PRKN: variants seen among roughly 807,000 people sequenced by gnomAD.
PRKN encodes the protein E3 ubiquitin-protein ligase parkin.
A neutral mutation model predicts 59.5 loss-of-function variants in PRKN; 56 were observed. The observed-to-expected ratio is 0.94, with a 90% CI of 0.76 to 1.18. PRKN has a LOEUF of 1.18. Ranked by LOEUF, PRKN falls within the 50% of genes most tolerant of loss-of-function variation. The pLI is 0.00. For missense variants in PRKN, 657 were observed against 596.4 expected (o/e 1.10, Z -1.06); for synonymous variants, 250 against 222.1 (o/e 1.13, Z -1.12).
chr6:161,825,058 A>T (rs1792184552), intron 6 of PRKN, among the ~76,000 whole-genome samples: 1 of 152,188 alleles, frequency 6.6e-6, no homozygotes, highest in Non-Finnish European at 1.5e-5. Flanking sequence ...ACTAAAAGGT[A>T]CTTTTCAAAA....
intron 9 of PRKN, among the ~76,000 whole-genome samples, chr6:161,439,958 GTTT>G (rs35435523): frequency 6.9e-6 from 1 of 144,534 alleles, no homozygotes. Flanking sequence ...TTTGTTTTTT[GTTT>G]TTTTTTTTTG....
At chr6:161,559,059 A>AC (rs1273702605) in intron 8 of PRKN, among the ~76,000 whole-genome samples, 4 of 138,702 alleles carry the variant, frequency 2.9e-5, no homozygotes, top group African/African-American at 7.5e-5. Flanking sequence ...TAAAAAAAAA[A>AC]AAAAAAACCA....
chr6:162,660,743 T>C (rs926089006), intron 1 of PRKN, among the ~76,000 whole-genome samples: 4 of 152,180 alleles, frequency 2.6e-5, no homozygotes, highest in Admixed American at 1.3e-4. Context: ...GGATGAGTGA[T>C]TGCTGTCCAC....
Position 161,562,134 on chromosome 6 carries a change from C to T in PRKN, c.933+7221G>A, listed in dbSNP as rs748445897. 1.5e-4 allele frequency among the ~76,000 whole-genome samples: 23 copies of T among 151,830 alleles called. No homozygotes were observed. The highest frequency in any genetic ancestry group is 2.6e-4 in the Non-Finnish European group (18 of 67,960). On this transcript the variant is annotated intron_variant, in intron 8 of 11. Transcript: ENST00000366898. The surrounding 1 kb of genome is among the most constrained non-coding windows in gnomAD (Gnocchi z 4.3). Reference sequence around the variant, plus strand: ...TCCCAAACACCATAAATCAGCATTCCTCCTCTGGAAGCCCCGCCTTCTTGG... The same window carrying T: ...TCCCAAACACCATAAATCAGCATTCTTCCTCTGGAAGCCCCGCCTTCTTGG...
chr6:162,352,932 G>C (rs146315728), intron 2 of PRKN, among the ~76,000 whole-genome samples: 20 of 152,108 alleles, frequency 1.3e-4, no homozygotes, highest in Admixed American at 2.6e-4. Flanking sequence ...TGAATGCAGC[G>C]TGCTTACTTT....
At chr6:162,293,046 G>T (rs1038096720) in intron 2 of PRKN, among the ~76,000 whole-genome samples, 1 of 152,260 alleles carries the variant, frequency 6.6e-6, no homozygotes, top group South Asian at 2.1e-4. Context: ...AAGGGTGCTG[G>T]CTCAAAAAAT....
At chr6:162,599,008 A>G (rs1239634698) in intron 1 of PRKN, among the ~76,000 whole-genome samples, 7 of 152,046 alleles carry the variant, frequency 4.6e-5, no homozygotes, top group Non-Finnish European at 2.9e-5. Context: ...CTACTCCTAT[A>G]CTGAAAGAGC....
intron 2 of PRKN, among the ~76,000 whole-genome samples, chr6:162,297,111 C>T (rs1354520857): frequency 6.6e-6 from 1 of 151,908 alleles, no homozygotes; most frequent in Non-Finnish European, 1.5e-5. Flanking sequence ...ATAGCTTAAT[C>T]CTACATGTCA....
chr6:161,757,962 A>AATATAT (rs140547354), intron 7 of PRKN, among the ~76,000 whole-genome samples: 4 of 134,166 alleles, frequency 3.0e-5, no homozygotes, highest in Non-Finnish European at 4.7e-5. Context: ...TATACAGTTA[A>AATATAT]ATATATATAT....
At chr6:162,106,432 G>A (rs139216084) in intron 4 of PRKN, among the ~76,000 whole-genome samples, 230 of 149,882 alleles carry the variant, frequency 1.5e-3, no homozygotes, top group African/African-American at 5.0e-3. Context: ...GAAGAAAGCA[G>A]GAAAGCATGT....
intron 9 of PRKN, among the ~76,000 whole-genome samples, chr6:161,453,026 A>G (rs545171584): frequency 2.0e-5 from 3 of 152,316 alleles, no homozygotes; most frequent in East Asian, 3.9e-4. Context: ...TCTATACAGG[A>G]CCACACACAT....
intron 1 of PRKN, among the ~76,000 whole-genome samples, chr6:162,541,924 G>T (rs1778940109): frequency 6.6e-6 from 1 of 152,122 alleles, no homozygotes; most frequent in Non-Finnish European, 1.5e-5. Context: ...CTATGAGTAT[G>T]GGCGTCCTAT....
At chr6:162,356,239 T>C (rs181358762) in intron 2 of PRKN, among the ~76,000 whole-genome samples, 1 of 152,232 alleles carries the variant, frequency 6.6e-6, no homozygotes, top group African/African-American at 2.4e-5. Context: ...AAGCAGAAAA[T>C]GTTCTTGCAG....
intron 6 of PRKN, among the ~76,000 whole-genome samples, chr6:161,832,075 G>A (rs1202072961): frequency 7.2e-5 from 11 of 152,184 alleles, no homozygotes; most frequent in Admixed American, 7.2e-4. Flanking sequence ...CACATTACTA[G>A]ATTCACATGT....
At position 161,348,698 on chromosome 6, in the gene PRKN, A is replaced by G. The variant is rs1784418019; in HGVS notation, c.*1401T>C. On this transcript the variant is annotated 3_prime_UTR_variant, in exon 12 of 12. Transcript: ENST00000366898. This position sits in a 1 kb window ranked among gnomAD's most constrained non-coding sequence, Gnocchi z 4.9. Reference sequence around the variant, plus strand: ...GCCGATTTAATAATTTACAGTCTCTAAATCCAAAAGGGCCTCCATGTGCTA... The same window carrying G: ...GCCGATTTAATAATTTACAGTCTCTGAATCCAAAAGGGCCTCCATGTGCTA... 1 of 210,356 alleles carries G rather than the reference A, an allele frequency of 4.8e-6. No homozygotes were observed. The highest frequency in any genetic ancestry group is 2.3e-5 in the African/African-American group (1 of 43,978). 13.0% of individuals were successfully genotyped at this position (210,356 alleles called of 1,614,324 possible). A position where few individuals can be genotyped will look rare whatever the true frequency, so the allele number is the denominator to read the frequency against.
At chr6:162,184,497 A>G (rs1203342540) in intron 4 of PRKN, among the ~76,000 whole-genome samples, 1 of 152,132 alleles carries the variant, frequency 6.6e-6, no homozygotes, top group Non-Finnish European at 1.5e-5. Flanking sequence ...ATGAGATCTG[A>G]TGGTTTTATA....
intron 7 of PRKN, among the ~76,000 whole-genome samples, chr6:161,746,742 G>GATATGCACATATATCC (rs1488145644): frequency 7.0e-6 from 1 of 143,456 alleles, no homozygotes; most frequent in Non-Finnish European, 1.5e-5. Context: ...CTAGATTCTA[G>GATATGCACATATATCC]ATATGCACAT....
At chr6:161,513,494 T>A (rs1252606534) in intron 9 of PRKN, among the ~76,000 whole-genome samples, 3 of 150,558 alleles carry the variant, frequency 2.0e-5, no homozygotes, top group East Asian at 3.9e-4. Flanking sequence ...TCTGCCCGCC[T>A]CAGTCTCCCA....
chr6:161,900,928 A>ATATATATATAT (rs377615355), intron 6 of PRKN, among the ~76,000 whole-genome samples: 39 of 143,510 alleles, frequency 2.7e-4, no homozygotes, highest in African/African-American at 9.8e-4. Context: ...ATATATATAT[A>ATATATATATAT]TTTTTTAGAT....
Sources: gnomAD v4.1 joint callset for allele counts (sites outside exome capture counted in the v4.1 genomes callset) on GRCh38, gnomAD v4.1.1 for gene constraint, Gnocchi (gnomAD v3.1) non-coding constraint, MANE v1.5 for transcripts, NCBI Gene and HGNC (gene_info 2026-07-23, HGNC 2026-07-21) for gene names.